The following HTR4 variants were observed in gnomAD, a reference collection of about 807,000 sequenced individuals.
HTR4 encodes the protein 5-hydroxytryptamine (serotonin) receptor 4, G protein-coupled.
HTR4 carries 16 observed loss-of-function variants against 36.8 expected under a neutral mutation model. The ratio of observed to expected loss-of-function variants is 0.43; its 90% CI spans 0.29 to 0.66. The LOEUF (loss-of-function observed/expected upper bound fraction) is 0.66, where lower values mean the gene tolerates loss of function less well. Ranked by LOEUF, HTR4 falls within the 30% of genes least tolerant of loss-of-function variation. The pLI, the probability that HTR4 is intolerant of heterozygous loss-of-function variation, is 0.13. For synonymous variants in HTR4, 189 were observed against 185.1 expected (o/e 1.02, Z -0.17); for missense variants, 438 against 490.9 (o/e 0.89, Z 1.02).
chr5:148,637,522 C>A (rs569186560), intron 1 of HTR4, among the ~76,000 whole-genome samples: 2 of 152,256 alleles, frequency 1.3e-5, no homozygotes, highest in African/African-American at 4.8e-5. Context: ...CTAGTAAACT[C>A]TTGAGAACTG....
intron 2 of HTR4, among the ~76,000 whole-genome samples, chr5:148,603,325 T>C (rs1399213182): frequency 6.6e-6 from 1 of 152,046 alleles, no homozygotes; most frequent in Non-Finnish European, 1.5e-5. Context: ...GAAAAAATGT[T>C]ATAATTACGA....
chr5:148,491,924 C>A (rs1561575883), intron 6 of HTR4, among the ~76,000 whole-genome samples: 2 of 152,144 alleles, frequency 1.3e-5, no homozygotes, highest in Non-Finnish European at 2.9e-5. Flanking sequence ...CCCAACCAGA[C>A]CCAATTAAAA....
At chr5:148,508,688 CCATTATAT>C (rs1372293596) in intron 6 of HTR4, among the ~76,000 whole-genome samples, 2 of 152,114 alleles carry the variant, frequency 1.3e-5, no homozygotes, top group African/African-American at 4.8e-5. Context: ...GCCCATACAT[CCATTATAT>C]CACATGGTAT....
At chr5:148,598,557 A>T (rs1159745855) in intron 2 of HTR4, among the ~76,000 whole-genome samples, 3 of 152,132 alleles carry the variant, frequency 2.0e-5, no homozygotes, top group Non-Finnish European at 4.4e-5. Context: ...GTCTAAAAAA[A>T]AAATAAAAAA....
At chr5:148,629,842 A>C (rs137886291) in intron 2 of HTR4, 1 of 152,284 alleles carries the variant, frequency 6.6e-6, no homozygotes, top group African/African-American at 2.4e-5. Flanking sequence ...CACAGTTTTT[A>C]TGCACTTATA....
At chr5:148,523,520 T>C (rs112373372) in intron 4 of HTR4, among the ~76,000 whole-genome samples, 174 bp from the exon 5 acceptor site, 14 of 141,876 alleles carry the variant, frequency 9.9e-5, no homozygotes, top group African/African-American at 3.7e-4. Flanking sequence ...AATAAGGAAA[T>C]AAAAGAAAGA....
intron 5 of HTR4, among the ~76,000 whole-genome samples, chr5:148,521,943 C>T (rs906038232): frequency 6.6e-6 from 1 of 152,194 alleles, no homozygotes; most frequent in African/African-American, 2.4e-5. Flanking sequence ...TGTGTCCCCA[C>T]CCAAATCTCA....
intron 2 of HTR4, among the ~76,000 whole-genome samples, chr5:148,618,345 G>C (rs561928442): frequency 1.3e-5 from 2 of 152,310 alleles, no homozygotes; most frequent in Non-Finnish European, 1.5e-5. Flanking sequence ...AACTTTTCCT[G>C]TGTGTTCCAT....
chr5:148,545,438 T>C (rs1759339926), intron 4 of HTR4, among the ~76,000 whole-genome samples: 1 of 152,266 alleles, frequency 6.6e-6, no homozygotes, highest in African/African-American at 2.4e-5. Context: ...GCAGGGATCT[T>C]GCCCTTGTTC....
At chr5:148,567,278 C>A (rs978398611) in intron 2 of HTR4, among the ~76,000 whole-genome samples, 12 of 152,120 alleles carry the variant, frequency 7.9e-5, no homozygotes, top group Admixed American at 3.9e-4. Context: ...CTGAATCTAA[C>A]CACTTCTCAT....
chr5:148,529,246 C>T (rs1758435819), intron 4 of HTR4, among the ~76,000 whole-genome samples: 1 of 152,074 alleles, frequency 6.6e-6, no homozygotes, highest in Admixed American at 6.5e-5. Flanking sequence ...TTGAAGGATG[C>T]TAAGAATCAT....
chr5:148,473,378 T>C (rs1755620123), downstream of HTR4, among the ~76,000 whole-genome samples: 1 of 150,824 alleles, frequency 6.6e-6, no homozygotes, highest in Admixed American at 6.6e-5. Context: ...AAAGACTAGA[T>C]AAGTTGTATC....
chr5:148,605,834 C>A (rs1752137107), intron 2 of HTR4, among the ~76,000 whole-genome samples: 1 of 151,958 alleles, frequency 6.6e-6, no homozygotes, highest in South Asian at 2.1e-4. Flanking sequence ...TCTCTTCTTT[C>A]TGAATGGCCT....
chr5:148,552,864 G>A (rs1759766063), intron 2 of HTR4, among the ~76,000 whole-genome samples: 1 of 152,154 alleles, frequency 6.6e-6, no homozygotes, highest in Non-Finnish European at 1.5e-5. Flanking sequence ...TACATAGTAA[G>A]TGCTCAATTA....
At chr5:148,489,760 G>T (rs1452111301) in intron 6 of HTR4, among the ~76,000 whole-genome samples, 1 of 152,034 alleles carries the variant, frequency 6.6e-6, no homozygotes, top group Non-Finnish European at 1.5e-5. Context: ...AGAGTTGAGG[G>T]AAATGAGCTG....
At chr5:148,536,488 A>G (rs1430670050) in intron 4 of HTR4, among the ~76,000 whole-genome samples, 1 of 152,134 alleles carries the variant, frequency 6.6e-6, no homozygotes, top group Admixed American at 6.6e-5. Context: ...TGCTGTCTTA[A>G]AGACACTCAT....
chr5:148,652,701 A>G (rs1474132770), intron 1 of HTR4, among the ~76,000 whole-genome samples: 2 of 152,114 alleles, frequency 1.3e-5, no homozygotes, highest in African/African-American at 2.4e-5. Context: ...AGTGAGCTAC[A>G]GTTCTCCTGG....
intron 2 of HTR4, among the ~76,000 whole-genome samples, chr5:148,594,798 C>A (rs1049189956): frequency 1.3e-5 from 2 of 152,164 alleles, no homozygotes; most frequent in African/African-American, 4.8e-5. Context: ...TCTTGTAAGT[C>A]TCCATGAAGT....
At chr5:148,528,365 A>C (rs911065807) in intron 4 of HTR4, among the ~76,000 whole-genome samples, 4 of 152,172 alleles carry the variant, frequency 2.6e-5, no homozygotes, top group Non-Finnish European at 5.9e-5. Context: ...GAATTCTAGC[A>C]TCTACTTAAC....
Sources: allele counts gnomAD v4.1 joint callset (sites outside exome capture counted in the v4.1 genomes callset), GRCh38; gene constraint gnomAD v4.1.1; transcripts MANE v1.5; gene names NCBI Gene and HGNC (gene_info 2026-07-23, HGNC 2026-07-21).